Variants in SLC29A3 observed in about 807,000 individuals in gnomAD.
SLC29A3 encodes solute carrier family 29 member 3.
SLC29A3 carries 18 observed loss-of-function variants against 25.4 expected under a neutral mutation model. That is an observed-to-expected ratio of 0.71 (90% CI 0.49 to 1.05). The LOEUF (loss-of-function observed/expected upper bound fraction) is 1.05, where lower values mean the gene tolerates loss of function less well. Among genes scored for constraint, SLC29A3 ranks in the 50% least tolerant of loss-of-function variants. The pLI, the probability that SLC29A3 is intolerant of heterozygous loss-of-function variation, is 0.00. For missense variants in SLC29A3, 586 were observed against 609.0 expected, an observed-to-expected ratio of 0.96 and a Z score of 0.40; for synonymous variants, 258 against 267.1, an observed-to-expected ratio of 0.97 and a Z score of 0.33.
intron 2 of SLC29A3, among the ~76,000 whole-genome samples, chr10:71,333,423 C>T (rs962866535): frequency 2.6e-5 from 4 of 152,260 alleles, no homozygotes; most frequent in African/African-American, 7.2e-5. Flanking sequence ...TGCCCACATG[C>T]ACCTCCAAAG....
chr10:71,353,728 C>A (rs1439096920), intron 4 of SLC29A3, among the ~76,000 whole-genome samples: 1 of 152,174 alleles, frequency 6.6e-6, no homozygotes, highest in Non-Finnish European at 1.5e-5. Context: ...TTGCTTTTTT[C>A]CAGCACAGCC....
intron 2 of SLC29A3, among the ~76,000 whole-genome samples, chr10:71,337,425 G>T (rs965823544): frequency 2.6e-5 from 4 of 152,236 alleles, no homozygotes; most frequent in Non-Finnish European, 5.9e-5. Flanking sequence ...ACTATTCTTG[G>T]CTCCAACCTG....
intron 4 of SLC29A3, among the ~76,000 whole-genome samples, chr10:71,378,940 C>T (rs1284683588): frequency 2.0e-5 from 3 of 152,194 alleles, no homozygotes; most frequent in African/African-American, 7.2e-5. Context: ...AGAGAAACAC[C>T]ACCTTAGATG....
At chr10:71,370,039 C>A (rs188029654) in intron 3 of SLC29A3, among the ~76,000 whole-genome samples, 48 of 152,264 alleles carry the variant, frequency 3.2e-4, no homozygotes, top group Non-Finnish European at 1.3e-4. Flanking sequence ...CAGGGGCCAC[C>A]CAGCCTGCCC....
At chr10:71,326,548 G>C (rs527760918) in intron 2 of SLC29A3, among the ~76,000 whole-genome samples, 26 of 152,322 alleles carry the variant, frequency 1.7e-4, no homozygotes, top group African/African-American at 5.8e-4. Context: ...TCCTCCAGAA[G>C]GTCCCTGCCT....
At chr10:71,332,375 C>A (rs1024593049) in intron 2 of SLC29A3, among the ~76,000 whole-genome samples, 3 of 151,962 alleles carry the variant, frequency 2.0e-5, no homozygotes, top group African/African-American at 7.3e-5. Flanking sequence ...GTCTTGAACT[C>A]CTGACCTCAA....
In SLC29A3 at chr10:71,319,298, C is replaced by T. The variant is rs1164320554; in HGVS notation, c.-12C>T. 9 of 643,260 alleles carry T rather than the reference C, an allele frequency of 1.4e-5. No individual in the cohort carries two copies. The East Asian group carries it at 2.0e-4, about 14-fold the overall frequency. 39.8% of individuals were successfully genotyped at this position (643,260 alleles called of 1,614,324 possible). The stretch of plus-strand genomic sequence containing the variant: ...TGCGCCGGAGGCAGCGGCGGCGTGG[C>T]GCAGCGGCGACAGTAAGTGCGGGCC... On this transcript the variant is annotated 5_prime_UTR_variant, in exon 1 of 6. Coordinates refer to ENST00000373189, the MANE Select transcript of SLC29A3 (RefSeq NM_018344.6).
intron 3 of SLC29A3, among the ~76,000 whole-genome samples, chr10:71,371,157 A>C (rs896007053): frequency 6.6e-6 from 1 of 152,182 alleles, no homozygotes; most frequent in African/African-American, 2.4e-5. Context: ...TCCATCAAGC[A>C]CTAGGTCTTA....
At chr10:71,339,156 A>G (rs1009235879) in intron 2 of SLC29A3, among the ~76,000 whole-genome samples, 2 of 152,204 alleles carry the variant, frequency 1.3e-5, no homozygotes, top group Admixed American at 1.3e-4. Context: ...CTTATCTGTA[A>G]AATGAGAGCG....
At chr10:71,370,686 CA>C (rs1038394611) in intron 3 of SLC29A3, among the ~76,000 whole-genome samples, 60 of 152,214 alleles carry the variant, frequency 3.9e-4, no homozygotes, top group African/African-American at 1.3e-3. Flanking sequence ...AGGCATGTGA[CA>C]CTGTGCCCAG....
rs144569236 is a variant in SLC29A3, at chr10:71,372,273, T to C, written c.*95-3422T>C. 5.2e-3 allele frequency among the ~76,000 whole-genome samples: 789 copies of C among 152,328 alleles called. 18 individuals are homozygous for C. The highest frequency in any genetic ancestry group is 9.5e-3 in the African/African-American group (396 of 41,568). ...GAATGCATAATCTTACTTAATCCAT[T>C]CAGTCACTAGGTGGAAGGATTATTA... On this transcript the variant is annotated intron_variant and NMD_transcript_variant, in intron 3 of 4. Transcript: ENST00000642772.
intron 1 of SLC29A3, among the ~76,000 whole-genome samples, chr10:71,322,252 TC>T (rs1437237539): frequency 6.6e-6 from 1 of 152,122 alleles, no homozygotes; most frequent in Non-Finnish European, 1.5e-5. Context: ...ATATTTTCTC[TC>T]CCCACTTTTT....
intron 1 of SLC29A3, among the ~76,000 whole-genome samples, chr10:71,321,352 G>C (rs1589219136): frequency 6.6e-6 from 1 of 152,220 alleles, no homozygotes; most frequent in Non-Finnish European, 1.5e-5. Flanking sequence ...TTCTTGGTAC[G>C]ATGCTTTGAG....
intron 2 of SLC29A3, among the ~76,000 whole-genome samples, chr10:71,326,751 G>A (rs1433413543): frequency 6.6e-6 from 1 of 152,208 alleles, no homozygotes; most frequent in African/African-American, 2.4e-5. Context: ...GGCATTCTGA[G>A]CCCTGCTACG....
downstream of SLC29A3, chr10:71,364,870 G>A (rs934676713): frequency 1.3e-5 from 2 of 152,200 alleles, no homozygotes; most frequent in African/African-American, 4.8e-5. Context: ...ATTGACTTTA[G>A]TGCTGCGGAT....
chr10:71,337,020 C>T (rs1354072408), intron 2 of SLC29A3, among the ~76,000 whole-genome samples: 2 of 152,180 alleles, frequency 1.3e-5, no homozygotes, highest in Non-Finnish European at 2.9e-5. Context: ...CTTCGTCTGT[C>T]TGGCCAGCAT....
At chr10:71,360,000 G>A (rs1051120696) in intron 5 of SLC29A3, among the ~76,000 whole-genome samples, 2 of 152,292 alleles carry the variant, frequency 1.3e-5, no homozygotes, top group East Asian at 1.9e-4. Flanking sequence ...TCAGTGTTGA[G>A]GATAAGGAAG....
At chr10:71,329,781 G>A (rs1037577765) in intron 2 of SLC29A3, among the ~76,000 whole-genome samples, 12 of 152,212 alleles carry the variant, frequency 7.9e-5, no homozygotes, top group Non-Finnish European at 1.2e-4. Context: ...GGGAGAAAAA[G>A]CAGCTGTCCT....
chr10:71,338,118 C>T (rs1225243424), intron 2 of SLC29A3, among the ~76,000 whole-genome samples: 1 of 152,222 alleles, frequency 6.6e-6, no homozygotes, highest in Non-Finnish European at 1.5e-5. Flanking sequence ...TGAGGAACCC[C>T]CATGCCCACC....
Sources: allele counts gnomAD v4.1 joint callset (sites outside exome capture counted in the v4.1 genomes callset), GRCh38; gene constraint gnomAD v4.1.1; transcripts MANE v1.5; gene names NCBI Gene and HGNC (gene_info 2026-07-23, HGNC 2026-07-21).